Variants in PAPPA observed in about 807,000 individuals in gnomAD.
The protein encoded by PAPPA is pappalysin 1, also known as pappalysin-1.
PAPPA carries 60 observed loss-of-function variants against 164.0 expected under a neutral mutation model. The ratio of observed to expected loss-of-function variants is 0.37; its 90% confidence interval spans 0.30 to 0.45. PAPPA has a LOEUF of 0.45. Ranked by LOEUF, PAPPA falls within the 20% of genes least tolerant of loss-of-function variation. The pLI is 1.00. For synonymous variants in PAPPA, 875 were observed against 814.1 expected (o/e 1.07, Z -1.27); for missense variants, 1,782 against 2,087.3 (o/e 0.85, Z 2.85).
rs559984539 is a variant in PAPPA at position 116,345,790 on chromosome 9, T to C, written c.3780+1079T>C. On this transcript the variant is annotated intron_variant, in intron 14 of 21. Transcript: ENST00000328252. The stretch of plus-strand genomic sequence containing the variant: ...GGTGGTAGTGAATGATTTGGAGTGA[T>C]GTGACAGAATGTTGCTTCAGCAAGA... Among the ~76,000 whole-genome samples, 11 of 152,320 alleles carry C rather than the reference T, an allele frequency of 7.2e-5. No homozygotes were observed. In the South Asian group the frequency reaches 2.3e-3, roughly 32 times the overall value.
At chr9:116,330,626 GGT>G (rs5900203) in intron 10 of PAPPA, among the ~76,000 whole-genome samples, 13,376 of 151,000 alleles carry the variant, frequency 0.089, 617 homozygotes, top group South Asian at 0.15. Context: ...TGTGTGTAGG[GGT>G]GTGTGTGTGT....
intron 6 of PAPPA, among the ~76,000 whole-genome samples, chr9:116,228,386 C>T (rs1844542680): frequency 6.6e-6 from 1 of 152,120 alleles, no homozygotes; most frequent in African/African-American, 2.4e-5. Context: ...CCAGCAGTCA[C>T]TGGGTGAGGA....
chr9:116,392,969 G>A (rs138641914), intron 21 of PAPPA, among the ~76,000 whole-genome samples: 75 of 152,262 alleles, frequency 4.9e-4, no homozygotes, highest in Admixed American at 2.2e-3. Context: ...ACCCTCCTAG[G>A]CTTTGTCATA....
chr9:116,356,559 C>T (rs1846356677), intron 17 of PAPPA, among the ~76,000 whole-genome samples: 1 of 152,216 alleles, frequency 6.6e-6, no homozygotes. Context: ...GAGAAGTTTT[C>T]TGTTTTCTGC....
chr9:116,335,021 C>G lies in PAPPA; in HGVS notation c.3558C>G (p.Pro1186=), dbSNP rs182838434. 3.7e-6 allele frequency: 6 copies of G among 1,613,716 alleles called. No individual in the cohort carries two copies. The Admixed American group carries it at 6.7e-5, about 18-fold the overall frequency. The change falls in exon 13 of 22, where the codon CCC becomes CCG. Residue 1186 remains proline (P), a synonymous_variant. Transcript: ENST00000328252. ...TCCGTTCCTTCGACAACTTTGACCC[C>G]GTCACCCTGAGCAGCTGCCAGAGAG... The part of the protein sequence containing the change: ...VALRSFDNFD[P]VTLSSCQRGE...
At chr9:116,341,029 GTTTT>G (rs1189180222) in intron 13 of PAPPA, among the ~76,000 whole-genome samples, 1 of 146,064 alleles carries the variant, frequency 6.8e-6, no homozygotes, top group East Asian at 2.0e-4. Flanking sequence ...TTATTTTTTT[GTTTT>G]ATTTATTTAT....
chr9:116,275,482 A>T (rs1337629989), intron 9 of PAPPA, among the ~76,000 whole-genome samples: 2 of 152,168 alleles, frequency 1.3e-5, no homozygotes, highest in African/African-American at 4.8e-5. Context: ...AACTTGCACC[A>T]GGTCACACAG....
chr9:116,345,562 A>C (rs1164178764), intron 14 of PAPPA, among the ~76,000 whole-genome samples: 1 of 152,100 alleles, frequency 6.6e-6, no homozygotes, highest in Non-Finnish European at 1.5e-5. Context: ...TGATTTAGTC[A>C]GGAAGTGTGG....
intron 9 of PAPPA, among the ~76,000 whole-genome samples, chr9:116,277,461 G>A (rs753296998): frequency 1.2e-4 from 19 of 152,092 alleles, no homozygotes; most frequent in South Asian, 2.1e-4. Flanking sequence ...TTAAGAACAC[G>A]GATTCTGGGT....
At chr9:116,224,178 A>G (rs911740751) in intron 5 of PAPPA, among the ~76,000 whole-genome samples, 1 of 152,092 alleles carries the variant, frequency 6.6e-6, no homozygotes, top group Admixed American at 6.5e-5. Context: ...ACATATTCAG[A>G]TCCTCCCACA....
At chr9:116,368,847 AC>A (rs915518301) in intron 19 of PAPPA, among the ~76,000 whole-genome samples, 3 of 152,098 alleles carry the variant, frequency 2.0e-5, no homozygotes, top group African/African-American at 7.2e-5. Flanking sequence ...AGAACCTGAT[AC>A]TGGGTGTACT....
At chr9:116,363,964 TG>T (rs1277300813) in intron 18 of PAPPA, among the ~76,000 whole-genome samples, 1 of 152,204 alleles carries the variant, frequency 6.6e-6, no homozygotes, top group African/African-American at 2.4e-5. Context: ...AACACATGAT[TG>T]CTCTCGCTGA....
At chr9:116,328,105 G>T (rs1190673940) in intron 10 of PAPPA, among the ~76,000 whole-genome samples, 2 of 152,210 alleles carry the variant, frequency 1.3e-5, no homozygotes, top group East Asian at 3.9e-4. Flanking sequence ...GAATCCTGTA[G>T]CTATGAATGC....
intron 19 of PAPPA, among the ~76,000 whole-genome samples, chr9:116,368,362 T>C (rs1846529602): frequency 6.6e-6 from 1 of 152,230 alleles, no homozygotes; most frequent in Non-Finnish European, 1.5e-5. Flanking sequence ...AGAAGGGTCA[T>C]TGTCTGCATT....
At chr9:116,175,015 C>T (rs1032608485) in intron 1 of PAPPA, among the ~76,000 whole-genome samples, 30 of 152,118 alleles carry the variant, frequency 2.0e-4, no homozygotes, top group Admixed American at 1.8e-3. Flanking sequence ...AATAAGAAAA[C>T]GGACACCTGA....
In PAPPA at chr9:116,212,317, AT is replaced by A. The variant is rs201792409; in HGVS notation, c.1918+395del. Among the ~76,000 whole-genome samples, 1,015 of 150,606 alleles carry A rather than the reference AT, an allele frequency of 6.7e-3. 32 individuals are homozygous for A. The East Asian group carries it at 0.11, about 16-fold the overall frequency. The stretch of plus-strand genomic sequence containing the variant: ...AAATTATGACATGAGATTGAGTATG[AT>A]TTTTTTTTTCCTAACTGCATATATC... On this transcript the variant is annotated intron_variant, in intron 4 of 21. Transcript: ENST00000328252.
intron 7 of PAPPA, among the ~76,000 whole-genome samples, chr9:116,262,570 G>T (rs565807730): frequency 8.1e-4 from 123 of 152,318 alleles, no homozygotes; most frequent in African/African-American, 2.9e-3. Context: ...GGCAAGACTG[G>T]AAACGGGATA....
intron 13 of PAPPA, among the ~76,000 whole-genome samples, chr9:116,338,460 G>C (rs1465067224): frequency 6.6e-6 from 1 of 152,166 alleles, no homozygotes; most frequent in Admixed American, 6.6e-5. Flanking sequence ...AAAGACTGGA[G>C]CCAAGTATTT....
intron 12 of PAPPA, among the ~76,000 whole-genome samples, chr9:116,333,035 C>A (rs553028966): frequency 8.5e-5 from 13 of 152,206 alleles, no homozygotes; most frequent in African/African-American, 2.9e-4. Flanking sequence ...CAGGTTCTAC[C>A]ATGGGAGGAC....
Sources: gnomAD v4.1 joint callset for allele counts (sites outside exome capture counted in the v4.1 genomes callset) on GRCh38, gnomAD v4.1.1 for gene constraint, MANE v1.5 for transcripts, NCBI Gene and HGNC (gene_info 2026-07-23, HGNC 2026-07-21) for gene names.